KCNK2: variants seen among roughly 807,000 people sequenced by gnomAD.
KCNK2 encodes potassium two pore domain channel subfamily K member 2.
A neutral mutation model predicts 40.5 loss-of-function variants in KCNK2; 21 were observed. That is an observed-to-expected ratio of 0.52 (90% CI 0.37 to 0.75). The LOEUF (loss-of-function observed/expected upper bound fraction) is 0.75, where lower values mean the gene tolerates loss of function less well. KCNK2 is among the 30% of genes least tolerant of loss of function. The pLI is 0.00. For synonymous variants in KCNK2, 191 were observed against 202.2 expected (o/e 0.94, Z 0.47); for missense variants, 399 against 531.6 (o/e 0.75, Z 2.45).
intron 2 of KCNK2, among the ~76,000 whole-genome samples, chr1:215,108,679 G>A (rs966083230): frequency 6.6e-6 from 1 of 151,722 alleles, no homozygotes; most frequent in African/African-American, 2.4e-5. Flanking sequence ...TTTTGGTAAA[G>A]GGTTTATTAA....
intron 1 of KCNK2, among the ~76,000 whole-genome samples, chr1:215,037,183 C>T (rs1034536109): frequency 2.6e-5 from 4 of 151,528 alleles, no homozygotes; most frequent in Admixed American, 6.6e-5. Flanking sequence ...GTTTTCTTTT[C>T]GTAGTCAATT....
Position 215,223,421 on chromosome 1 carries a change from A to G in KCNK2, c.964-11407A>G, listed in dbSNP as rs1211009681. 2.6e-5 allele frequency among the ~76,000 whole-genome samples: 4 copies of G among 152,202 alleles called. No individual in the cohort carries two copies. In the East Asian group the frequency reaches 7.7e-4, roughly 29 times the overall value. On this transcript the variant is annotated intron_variant, in intron 6 of 6. Transcript: ENST00000444842. The stretch of plus-strand genomic sequence containing the variant: ...CAAATGACAGTTTATAGTCAGTTGA[A>G]GATTGCTTAAGAAGAGAAAGTATAG...
At chr1:215,227,288 A>T (rs182493360) in intron 6 of KCNK2, among the ~76,000 whole-genome samples, 10 of 152,330 alleles carry the variant, frequency 6.6e-5, no homozygotes, top group African/African-American at 1.9e-4. Flanking sequence ...AAATGATTCT[A>T]ATGTATTCTA....
At chr1:215,063,185 G>C (rs542207756) in intron 1 of KCNK2, among the ~76,000 whole-genome samples, 12 of 152,160 alleles carry the variant, frequency 7.9e-5, no homozygotes, top group Non-Finnish European at 1.3e-4. Flanking sequence ...CTAGGGTACT[G>C]CAGCAGCAAG....
At chr1:215,083,951 G>A (rs971716246) in intron 1 of KCNK2, among the ~76,000 whole-genome samples, 2 of 152,118 alleles carry the variant, frequency 1.3e-5, no homozygotes, top group African/African-American at 4.8e-5. Flanking sequence ...TGTGTGGAAG[G>A]GGCAGCTTCT....
chr1:215,163,751 G>A (rs1663313201), intron 3 of KCNK2, among the ~76,000 whole-genome samples: 1 of 152,154 alleles, frequency 6.6e-6, no homozygotes, highest in Non-Finnish European at 1.5e-5. Flanking sequence ...AACCAGACTT[G>A]CATCCCAGGG....
At chr1:215,100,871 G>C (rs1230899831) in intron 2 of KCNK2, among the ~76,000 whole-genome samples, 1 of 151,960 alleles carries the variant, frequency 6.6e-6, no homozygotes, top group Admixed American at 6.6e-5. Flanking sequence ...TAAAAGAAAA[G>C]GATAATTGAT....
At chr1:215,025,150 A>G (rs1334488473) in intron 1 of KCNK2, among the ~76,000 whole-genome samples, 1 of 152,088 alleles carries the variant, frequency 6.6e-6, no homozygotes, top group Non-Finnish European at 1.5e-5. Context: ...CTCTTCATAA[A>G]TTACTTACTT....
chr1:215,086,766 AG>A (rs1300885748), intron 2 of KCNK2, 88 bp downstream of exon 2: 4 of 1,239,244 alleles, frequency 3.2e-6, no homozygotes, highest in Non-Finnish European at 4.6e-6. Flanking sequence ...AGTGTATTAC[AG>A]GTGTGCTGGT....
rs115822500 is a variant in KCNK2 at position 215,034,587 on chromosome 1, C to T, written c.34+28632C>T. 2.1e-3 allele frequency among the ~76,000 whole-genome samples: 320 copies of T among 152,182 alleles called. 3 individuals carry two copies. The highest frequency in any genetic ancestry group is 7.3e-3 in the African/African-American group (302 of 41,530). On this transcript the variant is annotated intron_variant, in intron 1 of 6. Coordinates refer to the KCNK2 transcript ENST00000391895. The stretch of plus-strand genomic sequence containing the variant: ...TGCACATGCATGCCAATATTTTGTG[C>T]TGTCAGTCTCTGTAGTTCAAGTCAT...
chr1:215,227,468 C>T (rs1393834667), intron 6 of KCNK2, among the ~76,000 whole-genome samples: 2 of 152,016 alleles, frequency 1.3e-5, no homozygotes, highest in African/African-American at 4.8e-5. Flanking sequence ...TCAGGATGGC[C>T]CCCGACATGG....
chr1:215,216,670 T>G (rs1006216251), intron 6 of KCNK2, among the ~76,000 whole-genome samples: 1 of 138,064 alleles, frequency 7.2e-6, no homozygotes, highest in African/African-American at 2.6e-5. Flanking sequence ...TAATAATATA[T>G]TGTATTTAAC....
At position 215,148,080 on chromosome 1, in the gene KCNK2, CTTT is replaced by C. The variant is rs756218432; in HGVS notation, c.476-21103_476-21101del. Among the ~76,000 whole-genome samples, 37 of 111,180 alleles carry C rather than the reference CTTT, an allele frequency of 3.3e-4. 1 individual carries two copies. Among genetic ancestry groups the C allele is most frequent in the Non-Finnish European group, 5.2e-4 (30 of 57,690 alleles). 72.9% of individuals were successfully genotyped at this position (111,180 alleles called of 152,430 possible). A position where few individuals can be genotyped will look rare whatever the true frequency, so the allele number is the denominator to read the frequency against. On this transcript the variant is annotated intron_variant, in intron 3 of 6. Transcript: ENST00000444842. ...ATTATTATTTTTTTATTTTCTTTTC[CTTT>C]TTTTTTTTTTTTTTTGGCAGGGTCT...
At chr1:215,134,160 C>G (rs1013681920) in intron 3 of KCNK2, among the ~76,000 whole-genome samples, 2 of 152,084 alleles carry the variant, frequency 1.3e-5, no homozygotes, top group African/African-American at 4.8e-5. Flanking sequence ...CAGGGCATTT[C>G]TGACACCAGA....
At chr1:215,094,218 G>A (rs34999070) in intron 2 of KCNK2, among the ~76,000 whole-genome samples, 7,316 of 151,534 alleles carry the variant, frequency 0.048, 189 homozygotes, top group Middle Eastern at 0.13. Flanking sequence ...CAGTGGTTTT[G>A]CTCTTCTCAT....
chr1:215,044,795 A>ACGTGTGTG (rs1553257249), intron 1 of KCNK2, among the ~76,000 whole-genome samples: 1 of 145,644 alleles, frequency 6.9e-6, no homozygotes, highest in African/African-American at 2.6e-5. Context: ...GGATAAGTGT[A>ACGTGTGTG]TGTGTGTGTG....
In KCNK2 at chr1:215,069,070, A is replaced by G. The variant is rs572814059; in HGVS notation, c.35-17298A>G. Among the ~76,000 whole-genome samples, 25 of 152,232 alleles carry G rather than the reference A, an allele frequency of 1.6e-4. 1 individual carries two copies. Among genetic ancestry groups the G allele is most frequent in the Non-Finnish European group, 2.9e-4 (20 of 68,040 alleles). On this transcript the variant is annotated intron_variant, in intron 1 of 6. Transcript: ENST00000391895. Reference sequence around the variant, plus strand: ...TCAATACAATTTAATGGACAGTTTCAGATAGCAGCAGTACAAATGTACTCA... The same window carrying G: ...TCAATACAATTTAATGGACAGTTTCGGATAGCAGCAGTACAAATGTACTCA...
intron 5 of KCNK2, among the ~76,000 whole-genome samples, chr1:215,186,617 CTG>C (rs1664449323): frequency 6.6e-6 from 1 of 152,184 alleles, no homozygotes; most frequent in South Asian, 2.1e-4. Context: ...TCAGGTGTCT[CTG>C]TGTATGTGAC....
intron 1 of KCNK2, among the ~76,000 whole-genome samples, chr1:215,058,376 T>C (rs539079945): frequency 6.6e-6 from 1 of 152,356 alleles, no homozygotes; most frequent in South Asian, 2.1e-4. Flanking sequence ...TTATGCAGAT[T>C]GGAGTTGGAT....
Sources: allele counts gnomAD v4.1 joint callset (sites outside exome capture counted in the v4.1 genomes callset), GRCh38; gene constraint gnomAD v4.1.1; transcripts MANE v1.5; gene names NCBI Gene and HGNC (gene_info 2026-07-23, HGNC 2026-07-21).